SOCS7: variants seen among roughly 807,000 people sequenced by gnomAD.
SOCS7 encodes the protein NAP-4.
In SOCS7, 18 loss-of-function variants were observed where a neutral mutation model predicts 58.9. That is an observed-to-expected ratio of 0.31 (90% CI 0.21 to 0.45). The LOEUF is 0.45. SOCS7 is among the 20% of genes least tolerant of loss of function. SOCS7 has a pLI of 1.00. For missense variants in SOCS7, 667 were observed against 837.3 expected (o/e 0.80, Z 2.51); for synonymous variants, 388 against 364.3 (o/e 1.06, Z -0.74).
At chr17:38,389,914 G>T (rs1237028476) in intron 7 of SOCS7, among the ~76,000 whole-genome samples, 22 of 7,570 alleles carry the variant, frequency 2.9e-3, no homozygotes, top group African/African-American at 7.3e-3. Flanking sequence ...TATAGAGAGA[G>T]AGAGAGAGAG....
chr17:38,381,304 T>A (rs1264923605), intron 7 of SOCS7, among the ~76,000 whole-genome samples: 1 of 152,174 alleles, frequency 6.6e-6, no homozygotes, highest in Non-Finnish European at 1.5e-5. Context: ...CCTCTTTTGC[T>A]TATAAAGGGG....
chr17:38,404,495 C>T lies in SOCS7; in HGVS notation c.*5013C>T, dbSNP rs1438303293. 6.6e-6 allele frequency: 1 copy of T among 152,148 alleles called. No individual in the cohort carries two copies. The highest frequency in any genetic ancestry group is 1.5e-5 in the Non-Finnish European group (1 of 68,058). 9.4% of individuals were successfully genotyped at this position (152,148 alleles called of 1,614,324 possible). A position where few individuals can be genotyped will look rare whatever the true frequency, so the allele number is the denominator to read the frequency against. ...CATTTCTAGAGGGTTTAGAGGTGAC[C>T]TGGAACCGTTCCCTTTCCCTCTCCT... On this transcript the variant is annotated 3_prime_UTR_variant, in exon 10 of 10. Coordinates refer to ENST00000612932, the MANE Select transcript of SOCS7 (RefSeq NM_014598.4).
Position 38,402,635 on chromosome 17 carries a change from CAGG to C in SOCS7, c.*3156_*3158del, listed in dbSNP as rs1333477616. The C allele has an allele frequency of 6.6e-6, 1 of 152,304 alleles. No homozygotes were observed. Among genetic ancestry groups the C allele is most frequent in the East Asian group, 1.9e-4 (1 of 5,196 alleles). The allele number at this position is 152,304 out of a possible 1,614,324, so 9.4% of individuals were successfully genotyped here. A position where few individuals can be genotyped will look rare whatever the true frequency, so the allele number is the denominator to read the frequency against. On this transcript the variant is annotated 3_prime_UTR_variant, in exon 10 of 10. Coordinates refer to ENST00000612932, the MANE Select transcript of SOCS7 (RefSeq NM_014598.4). ...GTCCCAGCTACTTGGGAGGCTGAGA[CAGG>C]AGAATTGCTTGAACCCAGGAGGCGG... is the stretch of plus-strand genomic sequence containing the variant.
intron 5 of SOCS7, 102 bp downstream of exon 5, chr17:38,366,519 G>A: frequency 3.5e-6 from 5 of 1,428,656 alleles, no homozygotes; most frequent in Non-Finnish European, 4.8e-6. Flanking sequence ...TTTAGAGACA[G>A]GGTCTGGCTC....
At chr17:38,371,011 A>G (rs368627299) in intron 6 of SOCS7, among the ~76,000 whole-genome samples, 1 of 152,136 alleles carries the variant, frequency 6.6e-6, no homozygotes, top group Admixed American at 6.6e-5. Flanking sequence ...GCAGTGGAGC[A>G]TTTGTCTTTG....
chr17:38,392,304 A>G (rs974457001), intron 7 of SOCS7, among the ~76,000 whole-genome samples: 1 of 152,250 alleles, frequency 6.6e-6, no homozygotes, highest in Non-Finnish European at 1.5e-5. Flanking sequence ...CAAGTAGGCA[A>G]ACAATCAGAT....
At position 38,405,547 on chromosome 17, in the gene SOCS7, T is replaced by C. The variant is rs1002715985; in HGVS notation, c.*6065T>C. On this transcript the variant is annotated 3_prime_UTR_variant, in exon 10 of 10. Coordinates refer to ENST00000612932, the MANE Select transcript of SOCS7 (RefSeq NM_014598.4). The stretch of plus-strand genomic sequence containing the variant: ...GATTGCTGTACCTACCCATGTCTTT[T>C]TGGGGAGGGGTGAAAAGAGATTTGA... 6.6e-6 allele frequency: 1 copy of C among 152,196 alleles called. No homozygotes were observed. Among genetic ancestry groups the C allele is most frequent in the African/African-American group, 2.4e-5 (1 of 41,442 alleles). 9.4% of individuals were successfully genotyped at this position (152,196 alleles called of 1,614,324 possible). A position where few individuals can be genotyped will look rare whatever the true frequency, so the allele number is the denominator to read the frequency against.
Position 38,361,411 on chromosome 17 carries a change from A to G in SOCS7, c.981-300A>G, listed in dbSNP as rs117077807. ...TGCATCAGACTTCCTTCCTCTTGAA[A>G]TGGACTTGCTAATTACCACTCAAGG... On this transcript the variant is annotated intron_variant, in intron 1 of 9. Coordinates refer to ENST00000612932, the MANE Select transcript of SOCS7 (RefSeq NM_014598.4). Among the ~76,000 whole-genome samples, 44 of 152,350 alleles carry G rather than the reference A, an allele frequency of 2.9e-4. 1 individual carries two copies. The East Asian group carries it at 6.8e-3, about 23-fold the overall frequency.
intron 7 of SOCS7, among the ~76,000 whole-genome samples, chr17:38,384,041 TG>T (rs1456531509): frequency 6.6e-6 from 1 of 152,172 alleles, no homozygotes; most frequent in African/African-American, 2.4e-5. Flanking sequence ...ATGCCACTGA[TG>T]GGGCTCCCCT....
chr17:38,398,229 C>A (rs1224470165), intron 9 of SOCS7, among the ~76,000 whole-genome samples: 1 of 150,390 alleles, frequency 6.6e-6, no homozygotes, highest in Non-Finnish European at 1.5e-5. Context: ...TAACACTTCC[C>A]AAGGGAAAGG....
intron 7 of SOCS7, among the ~76,000 whole-genome samples, chr17:38,387,009 C>T (rs1278092258): frequency 7.2e-6 from 1 of 139,444 alleles, no homozygotes; most frequent in Non-Finnish European, 1.5e-5. Context: ...TGGTGTGAAT[C>T]GGGAGGCAGA....
In SOCS7 at chr17:38,352,291, A is replaced by T; in HGVS notation, c.239A>T (p.Glu80Val). 6.7e-7 allele frequency: 1 copy of T among 1,487,764 alleles called. No homozygotes were observed. Among genetic ancestry groups the T allele is most frequent in the Non-Finnish European group, 8.9e-7 (1 of 1,129,282 alleles). 92.2% of individuals were successfully genotyped at this position (1,487,764 alleles called of 1,614,324 possible). ...CGGCCGCCGGAGGAGGAGGACGTGG[A>T]GGCGGCCCCGGAGCCGGGACCCTCG... ...VGRPPEEEDV[E>V]AAPEPGPSEL... Residue 80 changes from glutamate (E) to valine (V), a missense_variant, in exon 1 of 10, where the codon GAG (glutamate) becomes GTG (valine). Physicochemically the swap from Glu to Val is moderately radical, Grantham distance 121. Around this residue, in one of 9 missense-constraint regions of SOCS7, gnomAD observed 154 missense variants for 156.3 expected, o/e 0.98. Transcript: ENST00000612932. This position sits in a 1 kb window ranked among gnomAD's most constrained non-coding sequence, Gnocchi z 5.5.
rs978659027 is a variant in SOCS7 at position 38,399,790 on chromosome 17, A to G, written c.*308A>G. ...AAGTTTTGTTTTTGATATTTATATT[A>G]CTTGGTATGGAAAACTCACCTTGAA... On this transcript the variant is annotated 3_prime_UTR_variant, in exon 10 of 10. Coordinates refer to ENST00000612932, the MANE Select transcript of SOCS7 (RefSeq NM_014598.4). 4 of 152,574 alleles carry G rather than the reference A, an allele frequency of 2.6e-5. No individual in the cohort carries two copies. The highest frequency in any genetic ancestry group is 9.7e-5 in the African/African-American group (4 of 41,442). The allele number at this position is 152,574 out of a possible 1,614,324, so 9.5% of individuals were successfully genotyped here.
At chr17:38,374,884 A>G (rs2144354451) in intron 6 of SOCS7, among the ~76,000 whole-genome samples, 1 of 152,352 alleles carries the variant, frequency 6.6e-6, no homozygotes, top group South Asian at 2.1e-4. Flanking sequence ...TTAGACTTGG[A>G]CCCTTCTATG....
intron 6 of SOCS7, among the ~76,000 whole-genome samples, chr17:38,375,327 C>CCCTCTT (rs147387729): frequency 6.6e-6 from 1 of 152,052 alleles, no homozygotes; most frequent in Non-Finnish European, 1.5e-5. Flanking sequence ...TGAGACACCC[C>CCCTCTT]CCTCTTCCTC....
chr17:38,353,029 G>A lies in SOCS7; in HGVS notation c.977G>A (p.Gly326Glu). ...GGSAGRELDAGRKPKLTRTQS... is the reference protein window; with the variant it reads ...GGSAGRELDAERKPKLTRTQS... Reference sequence around the variant, plus strand: ...TCTGCGGGCCGGGAGCTGGACGCGGGGAGGTGAGACCGGCCGGGGGCTGGC... The same window carrying A: ...TCTGCGGGCCGGGAGCTGGACGCGGAGAGGTGAGACCGGCCGGGGGCTGGC... The change falls in exon 1 of 10, where the codon GGG becomes GAG. Residue 326 changes from glycine (G) to glutamate (E), a missense_variant. Transcript: ENST00000612932. 1.3e-6 allele frequency: 2 copies of A among 1,586,048 alleles called. No individual in the cohort carries two copies. Among genetic ancestry groups the A allele is most frequent in the Non-Finnish European group, 1.7e-6 (2 of 1,167,896 alleles).
At position 38,377,804 on chromosome 17, in the gene SOCS7, A is replaced by G; in HGVS notation, c.1643A>G (p.Asn548Ser). 2 of 1,613,788 alleles carry G rather than the reference A, an allele frequency of 1.2e-6. No individual in the cohort carries two copies. Among genetic ancestry groups the G allele is most frequent in the Non-Finnish European group, 1.7e-6 (2 of 1,179,796 alleles). Residue 548 changes from asparagine (N) to serine (S), a missense_variant, in exon 7 of 10, where the codon AAT becomes AGT. Transcript: ENST00000612932. ...AAGAGAGCCATTATGCACTCCAAGA[A>G]TGGAAAGTTTCTCTATTTCTTAAGA... ...FIKRAIMHSKNGKFLYFLRSR... is the reference protein window; with the variant it reads ...FIKRAIMHSKSGKFLYFLRSR...
chr17:38,385,550 A>G (rs1361437351), intron 7 of SOCS7, among the ~76,000 whole-genome samples: 2 of 151,450 alleles, frequency 1.3e-5, no homozygotes, highest in Non-Finnish European at 2.9e-5. Flanking sequence ...TTTTCCAGCC[A>G]CTCCAGAAAT....
chr17:38,396,031 T>G (rs2038241067), intron 9 of SOCS7, 33 bp downstream of exon 9: 8 of 1,526,344 alleles, frequency 5.2e-6, no homozygotes, highest in African/African-American at 1.4e-5. Flanking sequence ...CCCAGCCACA[T>G]TTCTTCCTGG....
Sources: gnomAD v4.1 joint callset for allele counts (sites outside exome capture counted in the v4.1 genomes callset) on GRCh38, gnomAD v4.1.1 for gene constraint, gnomAD v4.1.1 regional missense constraint, Gnocchi (gnomAD v3.1) non-coding constraint, MANE v1.5 for transcripts, NCBI Gene and HGNC (gene_info 2026-07-23, HGNC 2026-07-21) for gene names.